PTPRD: variants seen among roughly 807,000 people sequenced by gnomAD.
The protein encoded by PTPRD is protein tyrosine phosphatase receptor type D, also known as receptor-type tyrosine-protein phosphatase delta.
PTPRD carries 34 observed loss-of-function variants against 214.5 expected under a neutral mutation model. The observed-to-expected ratio is 0.16, with a 90% CI of 0.12 to 0.21. The LOEUF is 0.21. Ranked by LOEUF, PTPRD falls within the 10% of genes least tolerant of loss-of-function variation. The pLI, the probability that PTPRD is intolerant of heterozygous loss-of-function variation, is 1.00. For synonymous variants in PTPRD, 1,128 were observed against 845.7 expected (o/e 1.33, Z -5.79); for missense variants, 2,545 against 2,398.7 (o/e 1.06, Z -1.27).
intron 8 of PTPRD, among the ~76,000 whole-genome samples, chr9:9,547,802 A>T (rs2079152705): frequency 6.6e-5 from 10 of 151,638 alleles, no homozygotes. Flanking sequence ...AAATTCACAC[A>T]CACACACACA....
In PTPRD at chr9:9,093,251, C is replaced by A. The variant is rs1194688720; in HGVS notation, c.-142-74516G>T. Among the ~76,000 whole-genome samples, 4 of 152,028 alleles carry A rather than the reference C, an allele frequency of 2.6e-5. No individual in the cohort carries two copies. In the East Asian group the frequency reaches 5.8e-4, roughly 22 times the overall value. ...AATTATAGTTAGAGGCTTCAAAATTCTTTGCTCAGCAATTGATAAAACAAT... is the reference window on the plus strand; with the variant it reads ...AATTATAGTTAGAGGCTTCAAAATTATTTGCTCAGCAATTGATAAAACAAT... On this transcript the variant is annotated intron_variant, in intron 10 of 45. Transcript: ENST00000381196.
chr9:10,178,815 C>A (rs2099264796), intron 3 of PTPRD, among the ~76,000 whole-genome samples: 2 of 151,746 alleles, frequency 1.3e-5, no homozygotes, highest in Non-Finnish European at 2.9e-5. Context: ...CAAGTTGGGA[C>A]AACCAAAGAT....
intron 2 of PTPRD, among the ~76,000 whole-genome samples, chr9:10,499,883 T>A (rs988986132): frequency 6.6e-6 from 1 of 151,828 alleles, no homozygotes; most frequent in African/African-American, 2.4e-5. Context: ...TATATCTTTT[T>A]AAAAAAATGT....
chr9:8,675,210 C>T (rs2097376236), intron 12 of PTPRD, among the ~76,000 whole-genome samples: 2 of 152,060 alleles, frequency 1.3e-5, no homozygotes, highest in Non-Finnish European at 2.9e-5. Context: ...CAACCTTTCT[C>T]CCCTATGTGT....
intron 12 of PTPRD, among the ~76,000 whole-genome samples, chr9:8,653,664 A>G (rs2096856096): frequency 6.6e-6 from 1 of 151,574 alleles, no homozygotes; most frequent in Admixed American, 6.6e-5. Context: ...TCAACCTCCC[A>G]CCCTTCACTA....
At chr9:10,204,808 C>G (rs954584555) in intron 3 of PTPRD, among the ~76,000 whole-genome samples, 31 of 152,202 alleles carry the variant, frequency 2.0e-4, no homozygotes, top group African/African-American at 7.2e-4. Flanking sequence ...TAGAAGCAAT[C>G]TCTAGTTGTC....
chr9:8,340,607 G>T, intron 41 of PTPRD, 138 bp from the exon 42 acceptor site: 1 of 846,304 alleles, frequency 1.2e-6, no homozygotes, highest in Non-Finnish European at 1.7e-6. Flanking sequence ...TTCCTGCTAA[G>T]ATTAAATAAT....
intron 11 of PTPRD, among the ~76,000 whole-genome samples, chr9:8,932,705 G>T (rs1426246182): frequency 2.6e-5 from 4 of 152,082 alleles, no homozygotes; most frequent in Admixed American, 6.6e-5. Context: ...CCTCAGTAAA[G>T]GTGGACCCCC....
rs373407918 is a variant in PTPRD, at chr9:9,438,336, G to C, written c.-236-40854C>G. ...ATAACGTATCCAAGAATCATGTTAG[G>C]GATAAGGGACACAACCATGAAGCTA... On this transcript the variant is annotated intron_variant, in intron 8 of 45. Transcript: ENST00000381196. Among the ~76,000 whole-genome samples, 3 of 152,156 alleles carry C rather than the reference G, an allele frequency of 2.0e-5. No homozygotes were observed. The South Asian group carries it at 6.2e-4, about 32-fold the overall frequency.
intron 3 of PTPRD, among the ~76,000 whole-genome samples, chr9:10,071,169 A>C (rs1425217246): frequency 6.6e-6 from 1 of 152,014 alleles, no homozygotes; most frequent in Non-Finnish European, 1.5e-5. Flanking sequence ...GACTCAAACA[A>C]TATTGCCAAG....
intron 10 of PTPRD, among the ~76,000 whole-genome samples, chr9:9,057,747 T>A (rs2099698996): frequency 1.3e-5 from 2 of 152,164 alleles, no homozygotes; most frequent in Admixed American, 1.3e-4. Context: ...TCCCAATTCT[T>A]GGTTATCTAT....
chr9:8,578,389 C>G (rs2092695655), intron 14 of PTPRD, among the ~76,000 whole-genome samples: 1 of 143,126 alleles, frequency 7.0e-6, no homozygotes, highest in Non-Finnish European at 1.5e-5. Flanking sequence ...ATTTATTAAA[C>G]AGAGTTTAAT....
intron 8 of PTPRD, among the ~76,000 whole-genome samples, chr9:9,544,368 T>G (rs2078281215): frequency 6.6e-6 from 1 of 151,688 alleles, no homozygotes; most frequent in Non-Finnish European, 1.5e-5. Context: ...CCAAAATAAT[T>G]ACTTTGTATA....
chr9:10,326,723 T>C (rs1470549416), intron 3 of PTPRD, among the ~76,000 whole-genome samples: 4 of 151,746 alleles, frequency 2.6e-5, no homozygotes, highest in African/African-American at 7.2e-5. Flanking sequence ...GCCTCTTTCA[T>C]CCATTTTATA....
chr9:9,433,283 T>C (rs956467083), intron 8 of PTPRD, among the ~76,000 whole-genome samples: 10 of 152,186 alleles, frequency 6.6e-5, no homozygotes, highest in African/African-American at 2.2e-4. Flanking sequence ...TATTGAAGTG[T>C]TGATCTGGGA....
intron 3 of PTPRD, among the ~76,000 whole-genome samples, chr9:10,137,852 G>A (rs2098953946): frequency 1.3e-5 from 2 of 151,782 alleles, no homozygotes; most frequent in African/African-American, 4.8e-5. Flanking sequence ...AATAAAAACA[G>A]AAACACAACA....
intron 10 of PTPRD, among the ~76,000 whole-genome samples, chr9:9,124,236 GA>G (rs1206243889): frequency 6.6e-6 from 1 of 152,102 alleles, no homozygotes; most frequent in African/African-American, 2.4e-5. Flanking sequence ...AGAGGTATTG[GA>G]TAGTAACAAA....
chr9:10,391,105 G>A (rs1305901106), intron 2 of PTPRD, among the ~76,000 whole-genome samples: 20 of 151,726 alleles, frequency 1.3e-4, no homozygotes, highest in Admixed American at 1.3e-3. Flanking sequence ...AATTACTTGG[G>A]GAAGCATTAA....
At chr9:9,990,612 T>C (rs958546609) in intron 4 of PTPRD, among the ~76,000 whole-genome samples, 1 of 152,244 alleles carries the variant, frequency 6.6e-6, no homozygotes, top group African/African-American at 2.4e-5. Flanking sequence ...GCTGGAAATG[T>C]AGCTTCTTCT....
Sources: allele counts gnomAD v4.1 joint callset (sites outside exome capture counted in the v4.1 genomes callset), GRCh38; gene constraint gnomAD v4.1.1; transcripts MANE v1.5; gene names NCBI Gene and HGNC (gene_info 2026-07-23, HGNC 2026-07-21).